GKAP1: variants seen among roughly 807,000 people sequenced by gnomAD.
GKAP1 encodes G kinase-anchoring protein 1.
In GKAP1, 31 loss-of-function variants were observed where a neutral mutation model predicts 56.7. The ratio of observed to expected loss-of-function variants is 0.55; its 90% CI spans 0.41 to 0.74. The LOEUF (loss-of-function observed/expected upper bound fraction) is 0.74. Ranked by LOEUF, GKAP1 falls within the 30% of genes least tolerant of loss-of-function variation. The probability of loss-of-function intolerance (pLI) is 0.00; values close to 1 mark genes in which losing one functional copy is unlikely to be tolerated. For synonymous variants in GKAP1, 151 were observed against 138.6 expected, an observed-to-expected ratio of 1.09 and a Z score of -0.63; for missense variants, 364 against 402.3, an observed-to-expected ratio of 0.90 and a Z score of 0.82.
chr9:83,740,902 G>A lies in GKAP1; in HGVS notation c.1053+1050C>T, dbSNP rs541493959. ...TATAAAACAAAATGAAACAATACTC[G>A]CACATAAGAATGCTGTCATTCACTC... On this transcript the variant is annotated intron_variant, in intron 12 of 12. Transcript: ENST00000376371. 2.2e-4 allele frequency among the ~76,000 whole-genome samples: 33 copies of A among 152,030 alleles called. No individual in the cohort carries two copies. In the South Asian group the frequency reaches 2.3e-3, roughly 11 times the overall value.
intron 2 of GKAP1, among the ~76,000 whole-genome samples, chr9:83,808,117 A>G (rs1944463670): frequency 6.6e-6 from 1 of 152,236 alleles, no homozygotes; most frequent in Non-Finnish European, 1.5e-5. Context: ...AAAATATCAC[A>G]ATGTACAGAG....
At chr9:83,779,525 G>A (rs7855015) in intron 7 of GKAP1, among the ~76,000 whole-genome samples, 60,158 of 109,136 alleles carry the variant, frequency 0.55, 17,842 homozygotes, top group Admixed American at 0.69. Context: ...ATATATACAC[G>A]TGTATATGTG....
At chr9:83,741,232 C>T (rs1348042188) in intron 12 of GKAP1, among the ~76,000 whole-genome samples, 1 of 152,018 alleles carries the variant, frequency 6.6e-6, no homozygotes, top group African/African-American at 2.4e-5. Context: ...TTTAAAGCCA[C>T]GGCTAATCAA....
At chr9:83,791,797 A>C (rs1286007096) in intron 4 of GKAP1, among the ~76,000 whole-genome samples, 1 of 152,240 alleles carries the variant, frequency 6.6e-6, no homozygotes. Context: ...AGAGCTACAA[A>C]AGTTGAGAAA....
chr9:83,773,873 T>C (rs2131274866), intron 7 of GKAP1, among the ~76,000 whole-genome samples: 1 of 152,312 alleles, frequency 6.6e-6, no homozygotes, highest in Non-Finnish European at 1.5e-5. Context: ...CATCTCGAAA[T>C]TCTTTCACAT....
chr9:83,770,492 T>C (rs1017571204), intron 7 of GKAP1, among the ~76,000 whole-genome samples: 3 of 152,332 alleles, frequency 2.0e-5, no homozygotes, highest in African/African-American at 7.2e-5. Flanking sequence ...AATCTGTAAA[T>C]GTCTATTCTT....
Position 83,802,508 on chromosome 9 carries a change from C to T in GKAP1, c.217-3180G>A, listed in dbSNP as rs554711619. 2.0e-5 allele frequency among the ~76,000 whole-genome samples: 3 copies of T among 150,434 alleles called. No individual in the cohort carries two copies. In the South Asian group the frequency reaches 6.3e-4, roughly 32 times the overall value. On this transcript the variant is annotated intron_variant, in intron 3 of 12. Transcript: ENST00000376371. ...GAAAAAAAAAAAAAAAAAAGACCAT[C>T]GAATGCATAAAAATGTACATTCAAT... is the stretch of plus-strand genomic sequence containing the variant.
At chr9:83,791,454 G>A (rs1463766821) in intron 4 of GKAP1, among the ~76,000 whole-genome samples, 3 of 151,878 alleles carry the variant, frequency 2.0e-5, no homozygotes, top group African/African-American at 7.3e-5. Flanking sequence ...AAAACATATG[G>A]CCCTCCCAGC....
At chr9:83,779,472 T>TGC (rs1564201478) in intron 7 of GKAP1, among the ~76,000 whole-genome samples, 2 of 117,750 alleles carry the variant, frequency 1.7e-5, no homozygotes, top group African/African-American at 6.4e-5. Flanking sequence ...CACGCACATA[T>TGC]ACATATACAT....
At chr9:83,811,127 T>G (rs748224569) in intron 2 of GKAP1, among the ~76,000 whole-genome samples, 1 of 152,268 alleles carries the variant, frequency 6.6e-6, no homozygotes, top group Non-Finnish European at 1.5e-5. Flanking sequence ...CTATTCTTAT[T>G]AGACTGAAAT....
intron 4 of GKAP1, among the ~76,000 whole-genome samples, chr9:83,798,397 T>C (rs915617130): frequency 6.6e-6 from 1 of 152,254 alleles, no homozygotes; most frequent in African/African-American, 2.4e-5. Context: ...TTTTATTTGG[T>C]TGTTAATGAC....
At chr9:83,755,564 T>C (rs1943460452) in intron 8 of GKAP1, among the ~76,000 whole-genome samples, 2 of 151,974 alleles carry the variant, frequency 1.3e-5, no homozygotes, top group Admixed American at 1.3e-4. Context: ...TGAATATGAT[T>C]ATTATCTTTG....
intron 12 of GKAP1, 51 bp from the exon 13 acceptor site, chr9:83,739,795 G>A (rs746503920): frequency 1.4e-6 from 2 of 1,449,490 alleles, no homozygotes; most frequent in East Asian, 4.6e-5. Flanking sequence ...TACCATTTTG[G>A]GACCACTTCA....
intron 3 of GKAP1, among the ~76,000 whole-genome samples, chr9:83,804,657 G>T (rs182408): frequency 1.5e-5 from 2 of 130,346 alleles, no homozygotes; most frequent in African/African-American, 6.0e-5. Context: ...CAGCCGCCCC[G>T]TCCGGGAGGG....
chr9:83,790,520 C>T lies in GKAP1; in HGVS notation c.361-1842G>A, dbSNP rs561997871. 1.1e-3 allele frequency among the ~76,000 whole-genome samples: 174 copies of T among 152,228 alleles called. 1 individual carries two copies. The highest frequency in any genetic ancestry group is 4.0e-3 in the African/African-American group (166 of 41,546). On this transcript the variant is annotated intron_variant, in intron 4 of 12. Transcript: ENST00000376371. ...AAAACTAGGCCGGCACAGTGGCTCA[C>T]GCCTATAATCCCAGCACTTTAGGAG...
intron 9 of GKAP1, among the ~76,000 whole-genome samples, chr9:83,752,199 C>T (rs1274175940): frequency 1.3e-5 from 2 of 152,096 alleles, no homozygotes; most frequent in African/African-American, 2.4e-5. Context: ...GTCAGGAGTT[C>T]GAGACCAGCC....
chr9:83,786,923 A>C (rs1236874630), intron 5 of GKAP1, among the ~76,000 whole-genome samples: 1 of 152,188 alleles, frequency 6.6e-6, no homozygotes, highest in Non-Finnish European at 1.5e-5. Flanking sequence ...TAACAGCAAG[A>C]AGTCACCTTT....
intron 6 of GKAP1, among the ~76,000 whole-genome samples, chr9:83,781,180 T>C (rs1352860499): frequency 1.3e-5 from 2 of 152,128 alleles, no homozygotes; most frequent in African/African-American, 4.8e-5. Context: ...CTGGCCAACA[T>C]GGTGAAACCC....
chr9:83,797,902 C>T (rs1009431620), intron 4 of GKAP1, among the ~76,000 whole-genome samples: 1 of 151,970 alleles, frequency 6.6e-6, no homozygotes, highest in Admixed American at 6.6e-5. Context: ...AGTAGATCAT[C>T]AAAACATTTA....
Sources: allele counts gnomAD v4.1 joint callset (sites outside exome capture counted in the v4.1 genomes callset), GRCh38; gene constraint gnomAD v4.1.1; transcripts MANE v1.5; gene names NCBI Gene and HGNC (gene_info 2026-07-23, HGNC 2026-07-21).